LGSN: variants seen among roughly 807,000 people sequenced by gnomAD.
LGSN encodes lengsin.
LGSN carries 21 observed loss-of-function variants against 19.5 expected under a neutral mutation model. The ratio of observed to expected loss-of-function variants is 1.07; its 90% CI spans 0.76 to 1.55. LGSN has a LOEUF of 1.55. Ranked by LOEUF, LGSN falls within the 40% of genes most tolerant of loss-of-function variation. LGSN has a pLI of 0.00. For synonymous variants in LGSN, 257 were observed against 215.6 expected, an observed-to-expected ratio of 1.19 and a Z score of -1.68; for missense variants, 673 against 608.5, an observed-to-expected ratio of 1.11 and a Z score of -1.12.
At chr6:63,478,774 G>T in the LGSN span, among the ~76,000 whole-genome samples, 70,545 of 152,038 alleles carry the variant, frequency 0.46, 18,203 homozygotes, top group Non-Finnish European at 0.56. Context: ...GTGTTTATTG[G>T]TTTATGAACT....
At chr6:63,295,724 G>A (rs909514709) in intron 1 of LGSN, among the ~76,000 whole-genome samples, 6 of 152,136 alleles carry the variant, frequency 3.9e-5, no homozygotes, top group Non-Finnish European at 8.8e-5. Context: ...GACAGGATAT[G>A]CCCAGCAGGG....
At chr6:63,377,541 A>T in the LGSN span, among the ~76,000 whole-genome samples, 1 of 152,214 alleles carries the variant, frequency 6.6e-6, no homozygotes, top group Non-Finnish European at 1.5e-5. Context: ...CTATAGAAAG[A>T]ACACCTAACG....
intron 1 of LGSN, among the ~76,000 whole-genome samples, chr6:63,313,298 T>G (rs1768703339): frequency 6.6e-6 from 1 of 151,998 alleles, no homozygotes; most frequent in South Asian, 2.1e-4. Context: ...GAGGCCTTGG[T>G]AAGGACAGTC....
the LGSN span, among the ~76,000 whole-genome samples, chr6:63,447,008 C>T: frequency 6.6e-6 from 1 of 152,168 alleles, no homozygotes; most frequent in Non-Finnish European, 1.5e-5. Flanking sequence ...GAGATCGTGC[C>T]GTTGCACTCC....
the LGSN span, among the ~76,000 whole-genome samples, chr6:63,444,920 G>A: frequency 6.6e-6 from 1 of 152,192 alleles, no homozygotes; most frequent in Non-Finnish European, 1.5e-5. Flanking sequence ...GGAGGGAAAG[G>A]ACAAGGTCAC....
the LGSN span, among the ~76,000 whole-genome samples, chr6:63,522,287 T>C: frequency 0.015 from 2,280 of 152,352 alleles, 31 homozygotes; most frequent in Non-Finnish European, 0.021. Flanking sequence ...GATGAATTAT[T>C]TGTATAGTTA....
At chr6:63,505,565 A>AAAAAGAAAGAAAGAGAAAG in the LGSN span, among the ~76,000 whole-genome samples, 763 of 58,642 alleles carry the variant, frequency 0.013, 103 homozygotes, top group African/African-American at 0.045. Context: ...AAAAAAAAAA[A>AAAAAGAAAGAAAGAGAAAG]AAAGAAAGAA....
At chr6:63,336,728 C>T in the LGSN span, among the ~76,000 whole-genome samples, 2 of 145,086 alleles carry the variant, frequency 1.4e-5, no homozygotes, top group Admixed American at 1.4e-4. Flanking sequence ...CAAATTCAAG[C>T]GATTCTCCCA....
At chr6:63,481,529 G>A in the LGSN span, among the ~76,000 whole-genome samples, 1 of 146,664 alleles carries the variant, frequency 6.8e-6, no homozygotes, top group Admixed American at 6.9e-5. Flanking sequence ...TTTTTTTTTA[G>A]TAGAGACGGG....
At chr6:63,525,244 T>C in the LGSN span, among the ~76,000 whole-genome samples, 1 of 152,216 alleles carries the variant, frequency 6.6e-6, no homozygotes, top group African/African-American at 2.4e-5. Flanking sequence ...TTATTAGTAC[T>C]CTTTCAGGAT....
At chr6:63,433,688 A>G in the LGSN span, among the ~76,000 whole-genome samples, 1 of 152,224 alleles carries the variant, frequency 6.6e-6, no homozygotes, top group East Asian at 1.9e-4. Flanking sequence ...GCTTAATATA[A>G]AACACTCTCT....
the LGSN span, among the ~76,000 whole-genome samples, chr6:63,380,417 G>A: frequency 7.6e-3 from 1,157 of 152,282 alleles, 8 homozygotes; most frequent in African/African-American, 0.026. Context: ...CACAGGAAAG[G>A]AAACAGCATT....
At chr6:63,465,060 C>T in the LGSN span, among the ~76,000 whole-genome samples, 1 of 150,432 alleles carries the variant, frequency 6.6e-6, no homozygotes. Flanking sequence ...AATTATTTTA[C>T]TACCTTTTAC....
the LGSN span, chr6:63,392,198 G>A: frequency 6.6e-6 from 1 of 152,268 alleles, no homozygotes; most frequent in African/African-American, 2.4e-5. Context: ...ATATGAAGTA[G>A]GAGGGGCGCA....
At chr6:63,456,612 G>A in the LGSN span, among the ~76,000 whole-genome samples, 1 of 151,716 alleles carries the variant, frequency 6.6e-6, no homozygotes, top group Non-Finnish European at 1.5e-5. Flanking sequence ...TGTGCTCCCT[G>A]GAATATACCA....
chr6:63,514,941 G>T, the LGSN span, among the ~76,000 whole-genome samples: 1 of 151,730 alleles, frequency 6.6e-6, no homozygotes, highest in East Asian at 1.9e-4. Context: ...TGGATGAAAG[G>T]GTACCTCCTA....
chr6:63,395,169 A>G, the LGSN span: 2 of 152,360 alleles, frequency 1.3e-5, no homozygotes, highest in Non-Finnish European at 2.9e-5. Flanking sequence ...CCCAGTTCTT[A>G]AGAATAGCAT....
At chr6:63,479,738 T>TCAAACAAA in the LGSN span, among the ~76,000 whole-genome samples, 1,261 of 151,100 alleles carry the variant, frequency 8.3e-3, 6 homozygotes, top group Non-Finnish European at 0.014. Context: ...AGACTCCGTC[T>TCAAACAAA]CAAACAAACA....
At chr6:63,478,653 T>C in the LGSN span, among the ~76,000 whole-genome samples, 3 of 152,226 alleles carry the variant, frequency 2.0e-5, no homozygotes, top group African/African-American at 7.2e-5. Flanking sequence ...CGGCTCATTC[T>C]AATCATATAG....
Sources: gnomAD v4.1 joint callset for allele counts (sites outside exome capture counted in the v4.1 genomes callset) on GRCh38, gnomAD v4.1.1 for gene constraint, MANE v1.5 for transcripts, NCBI Gene and HGNC (gene_info 2026-07-23, HGNC 2026-07-21) for gene names.